Variants in ARID4A observed in about 807,000 individuals in gnomAD.
The protein encoded by ARID4A is AT-rich interactive domain-containing protein 4A.
In ARID4A, 39 loss-of-function variants were observed where a neutral mutation model predicts 148.6. The ratio of observed to expected loss-of-function variants is 0.26; its 90% CI spans 0.20 to 0.34. The LOEUF (loss-of-function observed/expected upper bound fraction) is 0.34, where lower values mean the gene tolerates loss of function less well. Ranked by LOEUF, ARID4A falls within the 10% of genes least tolerant of loss-of-function variation. ARID4A has a pLI of 1.00. For missense variants in ARID4A, 1,265 were observed against 1,449.1 expected (o/e 0.87, Z 2.06); for synonymous variants, 475 against 481.2 (o/e 0.99, Z 0.17).
intron 18 of ARID4A, among the ~76,000 whole-genome samples, chr14:58,360,663 T>C (rs1478640999): frequency 6.6e-6 from 1 of 152,208 alleles, no homozygotes; most frequent in African/African-American, 2.4e-5. Context: ...ATACAAAATA[T>C]GTTAGAAATT....
At position 58,330,169 on chromosome 14, in the gene ARID4A, G is replaced by A. The variant is rs1369969696; in HGVS notation, c.906G>A (p.Val302=). The stretch of plus-strand genomic sequence containing the variant: ...AGGCCAAAAAGACAGAAGAAGAGGT[G>A]GTAGGTGTAATTTCATGTTTGTAAC... ...EKEAKKTEEE[V]PEEELDPEER... The change falls in exon 11 of 24, where the codon GTG becomes GTA. Residue 302 remains valine (V), a splice_region_variant and synonymous_variant. Transcript: ENST00000355431. 2.2e-5 allele frequency: 36 copies of A among 1,606,714 alleles called. No individual in the cohort carries two copies. The highest frequency in any genetic ancestry group is 2.8e-5 in the Non-Finnish European group (33 of 1,178,196).
chr14:58,305,580 G>A (rs1002806903), intron 4 of ARID4A, among the ~76,000 whole-genome samples: 2 of 152,086 alleles, frequency 1.3e-5, no homozygotes, highest in African/African-American at 4.8e-5. Flanking sequence ...TTATCTAAAA[G>A]GTACCTTAAA....
chr14:58,316,440 C>G (rs1266085947), intron 5 of ARID4A, among the ~76,000 whole-genome samples: 3 of 152,070 alleles, frequency 2.0e-5, no homozygotes, highest in African/African-American at 4.8e-5. Context: ...ATGCTAAAAT[C>G]AGAATACAGT....
chr14:58,359,121 T>TC lies in ARID4A; in HGVS notation c.1854-11_1854-10insC. The TC allele has an allele frequency of 6.5e-7, 1 of 1,538,082 alleles. No homozygotes were observed. The highest frequency in any genetic ancestry group is 1.3e-5 in the South Asian group (1 of 79,096). On this transcript the variant is annotated splice_polypyrimidine_tract_variant and intron_variant, in intron 17 of 23. Transcript: ENST00000355431. ...TTGTACAAACTCTTTTTTTTTTTTT[T>TC]TTTTTTTAAGGTATGATGAGTGGGT...
Position 58,353,785 on chromosome 14 carries a change from A to C in ARID4A, c.1783A>C (p.Ser595Arg), listed in dbSNP as rs949097425. The C allele has an allele frequency of 3.7e-6, 6 of 1,613,960 alleles. No individual in the cohort carries two copies. The highest frequency in any genetic ancestry group is 5.1e-6 in the Non-Finnish European group (6 of 1,179,990). ...GAAGACTCAGAAAATTTATGAAGCC[A>C]GTATTAAAAGCACTGAAATTGATGA... ...RGKTQKIYEA[S>R]IKSTEIDDGE... The change falls in exon 17 of 24, where the codon AGT (serine) becomes CGT (arginine). Residue 595 changes from serine to arginine, a missense_variant. Ser to Arg is a moderately radical substitution (Grantham distance 110, BLOSUM62 -1). Coordinates refer to ENST00000355431, the MANE Select transcript of ARID4A (RefSeq NM_002892.4).
intron 15 of ARID4A, among the ~76,000 whole-genome samples, chr14:58,349,108 G>T (rs573582272): frequency 1.9e-4 from 29 of 152,174 alleles, no homozygotes; most frequent in Middle Eastern, 3.4e-3. Context: ...ATCATACAGT[G>T]TTTGTCCTTT....
intron 5 of ARID4A, among the ~76,000 whole-genome samples, chr14:58,307,772 A>G (rs923932825): frequency 6.6e-6 from 1 of 152,210 alleles, no homozygotes; most frequent in Non-Finnish European, 1.5e-5. Context: ...GTAAGCCTAG[A>G]TTGTGCCATT....
chr14:58,320,111 C>G (rs1021415523), intron 7 of ARID4A, among the ~76,000 whole-genome samples: 4 of 151,756 alleles, frequency 2.6e-5, no homozygotes, highest in Non-Finnish European at 4.4e-5. Context: ...CCACGCCCAG[C>G]TAATTTTTCT....
chr14:58,369,120 G>A (rs181886752), intron 23 of ARID4A, among the ~76,000 whole-genome samples: 167 of 152,262 alleles, frequency 1.1e-3, no homozygotes, highest in African/African-American at 3.9e-3. Flanking sequence ...GAAGAAATAA[G>A]AGAAATATGG....
intron 11 of ARID4A, among the ~76,000 whole-genome samples, chr14:58,337,598 A>G (rs543468177): frequency 5.4e-4 from 82 of 152,212 alleles, no homozygotes; most frequent in Admixed American, 7.8e-4. Flanking sequence ...TCCCTTTATA[A>G]TATCTCTTTT....
chr14:58,330,081 A>T lies in ARID4A; in HGVS notation c.818A>T (p.Glu273Val). Residue 273 changes from glutamate (E) to valine (V), a missense_variant, in exon 11 of 24, where the codon GAG (glutamate) becomes GTG (valine). By Grantham distance (121) the Glu-to-Val change is moderately radical (BLOSUM62 -2). Around this residue, in one of 9 missense-constraint regions of ARID4A, gnomAD observed 249 missense variants for 277.2 expected, o/e 0.90. Transcript: ENST00000355431. ...AAAATGGATATAAGTGAAATCCTTG[A>T]GTCATCCAGTAGTGATGATGAAGAT... ...NWKMDISEIL[E>V]SSSSDDEDGP... is the part of the protein sequence containing the mutation. 1.2e-6 allele frequency: 2 copies of T among 1,613,546 alleles called. No homozygotes were observed. Among genetic ancestry groups the T allele is most frequent in the South Asian group, 1.1e-5 (1 of 90,934 alleles).
Position 58,323,465 on chromosome 14 carries a change from C to G in ARID4A, c.450-20C>G, listed in dbSNP as rs757841211. Reference sequence around the variant, plus strand: ...TAATTGTTTGTGTTAGGATAATGATCAAGTTATTCTAACTTTTAGTACTGA... The same window carrying G: ...TAATTGTTTGTGTTAGGATAATGATGAAGTTATTCTAACTTTTAGTACTGA... On this transcript the variant is annotated intron_variant, in intron 7 of 23. Transcript: ENST00000355431. The G allele has an allele frequency of 6.3e-7, 1 of 1,595,962 alleles. No homozygotes were observed. The highest frequency in any genetic ancestry group is 8.6e-7 in the Non-Finnish European group (1 of 1,163,832).
Position 58,330,280 on chromosome 14 carries a change from G to C in ARID4A, c.906+111G>C, listed in dbSNP as rs149950342. 4 of 1,429,520 alleles carry C rather than the reference G, an allele frequency of 2.8e-6. No homozygotes were observed. The African/African-American group carries it at 5.9e-5, about 21-fold the overall frequency. The allele number at this position is 1,429,520 out of a possible 1,614,324, so 88.6% of individuals were successfully genotyped here. On this transcript the variant is annotated intron_variant, in intron 11 of 23. Transcript: ENST00000355431. ...GATTCTCTATTATTTGTTTCTGTCC[G>C]TTTCTAGCATTGCTTAATTTGGGTG...
chr14:58,299,924 C>T, intron 2 of ARID4A, 64 bp downstream of exon 2: 6 of 1,602,568 alleles, frequency 3.7e-6, no homozygotes, highest in Non-Finnish European at 4.3e-6. Flanking sequence ...AAGGCTAGTG[C>T]CGTGGAATGT....
At chr14:58,342,066 C>T (rs2034142186) in intron 11 of ARID4A, among the ~76,000 whole-genome samples, 1 of 152,186 alleles carries the variant, frequency 6.6e-6, no homozygotes, top group Non-Finnish European at 1.5e-5. Context: ...ATACAAAAGT[C>T]ACGAAGGCAC....
chr14:58,334,891 C>T (rs1043987014), intron 11 of ARID4A, among the ~76,000 whole-genome samples: 1 of 152,114 alleles, frequency 6.6e-6, no homozygotes, highest in African/African-American at 2.4e-5. Context: ...CTCCATATTT[C>T]CTCCACCAGT....
At chr14:58,311,563 A>G (rs2032035082) in intron 5 of ARID4A, among the ~76,000 whole-genome samples, 1 of 152,208 alleles carries the variant, frequency 6.6e-6, no homozygotes, top group Admixed American at 6.5e-5. Flanking sequence ...GAACTACCAT[A>G]TGATCCAGCA....
intron 9 of ARID4A, 84 bp from the exon 10 acceptor site, chr14:58,329,444 A>G: frequency 1.1e-6 from 1 of 900,524 alleles, no homozygotes; most frequent in South Asian, 1.6e-5. Flanking sequence ...TGAGGTTTTT[A>G]TTTTTCTATG....
chr14:58,341,552 T>C (rs974786473), intron 11 of ARID4A, among the ~76,000 whole-genome samples: 1 of 152,218 alleles, frequency 6.6e-6, no homozygotes, highest in Non-Finnish European at 1.5e-5. Context: ...TTCTTTTACC[T>C]TTCTACACCT....
Sources: gnomAD v4.1 joint callset for allele counts (sites outside exome capture counted in the v4.1 genomes callset) on GRCh38, gnomAD v4.1.1 for gene constraint, gnomAD v4.1.1 regional missense constraint, MANE v1.5 for transcripts, NCBI Gene and HGNC (gene_info 2026-07-23, HGNC 2026-07-21) for gene names.